Variants in PPFIBP2 observed in about 807,000 individuals in gnomAD.
PPFIBP2 encodes PPFIB scaffold protein 2, also known as liprin-beta-2.
In PPFIBP2, 118 loss-of-function variants were observed where a neutral mutation model predicts 118.3. The observed-to-expected ratio is 1.00, with a 90% confidence interval of 0.86 to 1.16. The LOEUF (loss-of-function observed/expected upper bound fraction) is 1.16. PPFIBP2 is among the 50% of genes most tolerant of loss of function. The pLI, the probability that PPFIBP2 is intolerant of heterozygous loss-of-function variation, is 0.00. For missense variants in PPFIBP2, 1,195 were observed against 1,073.1 expected, an observed-to-expected ratio of 1.11 and a Z score of -1.59; for synonymous variants, 414 against 397.4, an observed-to-expected ratio of 1.04 and a Z score of -0.50.
chr11:7,653,158 C>T lies in PPFIBP2; in HGVS notation c.2571C>T (p.Gly857=), dbSNP rs776742731. ...DSHRVYSGYR[G]LSPLDAPELD... ...ACAGGGTCTACAGTGGCTACCGGGG[C>T]CTCAGCCCCCTTGATGCCCCTGAAC... is the stretch of plus-strand genomic sequence containing the variant. The change falls in exon 24 of 24, where the codon GGC becomes GGT. Residue 857 remains glycine (G), a synonymous_variant. Transcript: ENST00000299492. 1 of 1,614,198 alleles carries T rather than the reference C, an allele frequency of 6.2e-7. No homozygotes were observed. Among genetic ancestry groups the T allele is most frequent in the South Asian group, 1.1e-5 (1 of 91,086 alleles).
chr11:7,656,990 T>C (rs1016313411), downstream of PPFIBP2: 7 of 370,734 alleles, frequency 1.9e-5, no homozygotes, highest in African/African-American at 1.5e-4. Context: ...TCCATGTGTG[T>C]CTTCAACCAT....
intron 11 of PPFIBP2, 127 bp from the exon 12 acceptor site, chr11:7,632,740 T>C: frequency 4.3e-6 from 3 of 693,758 alleles, no homozygotes; most frequent in South Asian, 1.6e-5. Context: ...TATAATGATG[T>C]ATCCACCATG....
intron 1 of PPFIBP2, among the ~76,000 whole-genome samples, chr11:7,544,356 C>T (rs796763468): frequency 9.2e-5 from 14 of 152,312 alleles, no homozygotes; most frequent in African/African-American, 3.4e-4. Flanking sequence ...TCTGTGTCCA[C>T]TTCTTTCTTT....
At chr11:7,621,973 A>G (rs1849408511) in intron 7 of PPFIBP2, among the ~76,000 whole-genome samples, 1 of 152,256 alleles carries the variant, frequency 6.6e-6, no homozygotes, top group Admixed American at 6.5e-5. Flanking sequence ...CCACCCAGGC[A>G]CTACCATTGC....
intron 6 of PPFIBP2, among the ~76,000 whole-genome samples, chr11:7,612,079 G>C (rs1040928433): frequency 6.6e-5 from 10 of 152,188 alleles, no homozygotes; most frequent in Non-Finnish European, 1.5e-5. Context: ...AGGGAGGAGA[G>C]AGACCTATGT....
rs112117347 is a variant in PPFIBP2 at position 7,565,778 on chromosome 11, C to G, written c.279+11C>G. 2,843 of 1,612,938 alleles carry G rather than the reference C, an allele frequency of 1.8e-3. 37 individuals are homozygous for G. In the African/African-American group the frequency reaches 0.033, roughly 19 times the overall value. On this transcript the variant is annotated intron_variant, in intron 3 of 23. Coordinates refer to ENST00000299492, the MANE Select transcript of PPFIBP2 (RefSeq NM_003621.5). The stretch of plus-strand genomic sequence containing the variant: ...TTTGAAGAGAGCTTGGTGAGTAGTC[C>G]CGTGGCCTGATTGGGAACCACTGGG...
Position 7,634,701 on chromosome 11 carries a change from A to C in PPFIBP2, c.1194+149A>C. ...GCAGGAATTACATGAACATTTTGAG[A>C]AAATTAACTGGGTGTGGCCCAAAGC... is the stretch of plus-strand genomic sequence containing the variant. On this transcript the variant is annotated intron_variant, in intron 13 of 23. Coordinates refer to ENST00000299492, the MANE Select transcript of PPFIBP2 (RefSeq NM_003621.5). The C allele has an allele frequency of 1.6e-5, 11 of 672,232 alleles. No homozygotes were observed. The South Asian group carries it at 2.0e-4, about 12-fold the overall frequency. The allele number at this position is 672,232 out of a possible 1,614,324, so 41.6% of individuals were successfully genotyped here.
At chr11:7,519,979 G>T (rs1269917624) in intron 1 of PPFIBP2, among the ~76,000 whole-genome samples, 1 of 152,180 alleles carries the variant, frequency 6.6e-6, no homozygotes, top group Non-Finnish European at 1.5e-5. Flanking sequence ...AGCTTCCTTT[G>T]TCCAGCTGCT....
downstream of PPFIBP2, chr11:7,655,403 G>A (rs1323607722): frequency 7.8e-7 from 1 of 1,285,836 alleles, no homozygotes; most frequent in African/African-American, 1.5e-5. Context: ...GCATCCATGT[G>A]TGCTGACCAG....
intron 3 of PPFIBP2, chr11:7,577,593 G>A: frequency 2.2e-6 from 1 of 456,704 alleles, no homozygotes; most frequent in Non-Finnish European, 4.4e-6. Flanking sequence ...TGCCCAGCAT[G>A]GATGGGGACA....
At chr11:7,649,749 G>T in intron 21 of PPFIBP2, 95 bp downstream of exon 21, 1 of 1,531,490 alleles carries the variant, frequency 6.5e-7, no homozygotes, top group Non-Finnish European at 8.9e-7. Context: ...TAAAAGCACT[G>T]TTTTTTGCAC....
chr11:7,563,414 G>T (rs1287073215), intron 2 of PPFIBP2, among the ~76,000 whole-genome samples: 2 of 152,200 alleles, frequency 1.3e-5, no homozygotes, highest in Non-Finnish European at 2.9e-5. Context: ...GGGTAATTGG[G>T]CAGTTTCCTG....
At chr11:7,605,317 C>T (rs999743408) in intron 5 of PPFIBP2, among the ~76,000 whole-genome samples, 1 of 152,082 alleles carries the variant, frequency 6.6e-6, no homozygotes, top group Non-Finnish European at 1.5e-5. Flanking sequence ...TCAGCAAATA[C>T]GAGGAGAGAT....
At chr11:7,632,573 G>C in intron 11 of PPFIBP2, 1 of 219,250 alleles carries the variant, frequency 4.6e-6, no homozygotes, top group Non-Finnish European at 9.2e-6. Flanking sequence ...ATCAGAAAGG[G>C]AAGGAGCAGA....
rs146587667 is a variant in PPFIBP2 at position 7,618,324 on chromosome 11, G to A, written c.619-2611G>A. The stretch of plus-strand genomic sequence containing the variant: ...TTTTAAAGGAAGGAAAAACGTGTGT[G>A]TACTAATGTTGGTAGTCAATGATGG... On this transcript the variant is annotated intron_variant, in intron 6 of 23. Coordinates refer to ENST00000299492, the MANE Select transcript of PPFIBP2 (RefSeq NM_003621.5). 2.6e-5 allele frequency among the ~76,000 whole-genome samples: 4 copies of A among 152,332 alleles called. No individual in the cohort carries two copies. The East Asian group carries it at 7.7e-4, about 29-fold the overall frequency.
intron 1 of PPFIBP2, among the ~76,000 whole-genome samples, chr11:7,531,818 T>A (rs1850715820): frequency 6.6e-6 from 1 of 152,008 alleles, no homozygotes; most frequent in African/African-American, 2.4e-5. Context: ...CTCCTTGACT[T>A]TTATTTATTT....
chr11:7,577,021 G>A (rs753921389), intron 3 of PPFIBP2: 1 of 152,902 alleles, frequency 6.5e-6, no homozygotes, highest in Non-Finnish European at 1.5e-5. Flanking sequence ...AATAAACTGA[G>A]AGCAGCTGGG....
In PPFIBP2 at chr11:7,549,598, C is replaced by T. The variant is rs1852716656; in HGVS notation, c.64+59C>T. The T allele has an allele frequency of 5.3e-6, 7 of 1,317,158 alleles. No homozygotes were observed. In the African/African-American group the frequency reaches 6.8e-5, roughly 13 times the overall value. The allele number at this position is 1,317,158 out of a possible 1,614,324, so 81.6% of individuals were successfully genotyped here. A position where few individuals can be genotyped will look rare whatever the true frequency, so the allele number is the denominator to read the frequency against. Reference sequence around the variant, plus strand: ...ATCCTCCACATTCCAGGAACTGCTTCTCTCCTTTTACTTTTTTTTTTTTTT... The same window carrying T: ...ATCCTCCACATTCCAGGAACTGCTTTTCTCCTTTTACTTTTTTTTTTTTTT... On this transcript the variant is annotated intron_variant, in intron 2 of 23. Coordinates refer to ENST00000299492, the MANE Select transcript of PPFIBP2 (RefSeq NM_003621.5).
At chr11:7,612,374 T>A (rs1848169438) in intron 6 of PPFIBP2, among the ~76,000 whole-genome samples, 1 of 152,134 alleles carries the variant, frequency 6.6e-6, no homozygotes, top group Admixed American at 6.5e-5. Flanking sequence ...TATACCTGGT[T>A]CTACACCAGT....
Sources: allele counts gnomAD v4.1 joint callset (sites outside exome capture counted in the v4.1 genomes callset), GRCh38; gene constraint gnomAD v4.1.1; transcripts MANE v1.5; gene names NCBI Gene and HGNC (gene_info 2026-07-23, HGNC 2026-07-21).